AFAP1: variants seen among roughly 807,000 people sequenced by gnomAD.
AFAP1 encodes actin filament associated protein 1, also known as actin filament-associated protein 1.
In AFAP1, 75 loss-of-function variants were observed where a neutral mutation model predicts 93.9. That is an observed-to-expected ratio of 0.80 (90% CI 0.66 to 0.97). AFAP1 has a LOEUF of 0.97. AFAP1 is among the 50% of genes least tolerant of loss of function. The probability of loss-of-function intolerance (pLI) is 0.00; values close to 1 mark genes in which losing one functional copy is unlikely to be tolerated. For synonymous variants in AFAP1, 517 were observed against 430.7 expected (o/e 1.20, Z -2.48); for missense variants, 1,201 against 1,050.8 (o/e 1.14, Z -1.98).
At chr4:7,917,701 A>T (rs1720160718) in intron 1 of AFAP1, among the ~76,000 whole-genome samples, 1 of 152,322 alleles carries the variant, frequency 6.6e-6, no homozygotes, top group East Asian at 1.9e-4. Context: ...CCAATGGCCC[A>T]AAACTTAGAG....
chr4:7,835,046 A>G (rs1712133065), intron 6 of AFAP1, among the ~76,000 whole-genome samples: 2 of 105,158 alleles, frequency 1.9e-5, no homozygotes, highest in Non-Finnish European at 3.8e-5. Context: ...GGGCTGCCTT[A>G]AGGTTACCTG....
Position 7,793,835 on chromosome 4 carries a change from G to A in AFAP1, c.1267-9C>T, listed in dbSNP as rs1718129269. On this transcript the variant is annotated splice_polypyrimidine_tract_variant and intron_variant, in intron 10 of 17. Coordinates refer to ENST00000420658, the MANE Select transcript of AFAP1 (RefSeq NM_001134647.2). The stretch of plus-strand genomic sequence containing the variant: ...TCTTCAGAAGAAGATGCCTGTTGAA[G>A]TGGGAAAAAAGGTAGGCTGTATTTA... 2.6e-6 allele frequency: 4 copies of A among 1,518,750 alleles called. No individual in the cohort carries two copies. In the Admixed American group the frequency reaches 5.6e-5, roughly 21 times the overall value. 94.1% of individuals were successfully genotyped at this position (1,518,750 alleles called of 1,614,324 possible). A position where few individuals can be genotyped will look rare whatever the true frequency, so the allele number is the denominator to read the frequency against.
rs187661256 is a variant in AFAP1 at position 7,938,388 on chromosome 4, A to G, written c.-3+1268T>C. Among the ~76,000 whole-genome samples, 7 of 152,316 alleles carry G rather than the reference A, an allele frequency of 4.6e-5. No individual in the cohort carries two copies. The East Asian group carries it at 1.4e-3, about 29-fold the overall frequency. On this transcript the variant is annotated intron_variant, in intron 1 of 17. Coordinates refer to ENST00000420658, the MANE Select transcript of AFAP1 (RefSeq NM_001134647.2). ...GATCTTTAACTCTCCTAAAAGGGGA[A>G]AACTGTCCAGTTCGATTTTGCTTCC... is the stretch of plus-strand genomic sequence containing the variant.
chr4:7,904,714 G>GT (rs1436844725), intron 1 of AFAP1, among the ~76,000 whole-genome samples: 2 of 147,580 alleles, frequency 1.4e-5, no homozygotes, highest in South Asian at 2.1e-4. Flanking sequence ...TTGTTTGTTT[G>GT]TTTGTTTTGT....
chr4:7,834,382 G>A (rs1477347068), intron 6 of AFAP1, among the ~76,000 whole-genome samples: 1 of 152,180 alleles, frequency 6.6e-6, no homozygotes, highest in Non-Finnish European at 1.5e-5. Flanking sequence ...GGAGGTAAGG[G>A]ATAAAAGACT....
rs376611852 is a variant in AFAP1 at position 7,800,605 on chromosome 4, C to T, written c.1103G>A (p.Arg368Gln). Residue 368 changes from arginine to glutamine, a missense_variant, in exon 10 of 18, where the codon CGA becomes CAA. Physicochemically the swap from Arg to Gln is conservative, Grantham distance 43. Transcript: ENST00000420658. The part of the protein sequence containing the change: ...SNSRWRERWC[R>Q]VKDNKLIFHK... Reference sequence around the variant, plus strand: ...GAAAATGAGCTTGTTATCTTTCACTCGGCACCAGCGCTCTCGCCAGCGGCT... The same window carrying T: ...GAAAATGAGCTTGTTATCTTTCACTTGGCACCAGCGCTCTCGCCAGCGGCT... 47 of 1,614,160 alleles carry T rather than the reference C, an allele frequency of 2.9e-5. No homozygotes were observed. The highest frequency in any genetic ancestry group is 2.0e-4 in the African/African-American group (15 of 75,034).
Position 7,817,444 on chromosome 4 carries a change from A to C in AFAP1, c.823-1345T>G, listed in dbSNP as rs564450255. Among the ~76,000 whole-genome samples the C allele has an allele frequency of 4.6e-5, 7 of 152,316 alleles. No homozygotes were observed. In the East Asian group the frequency reaches 1.4e-3, roughly 29 times the overall value. ...GGTGAAACCCCCGTCTCCACTAAAAATACAAAAATTAGCCAGGCTTGGTGG... is the reference window on the plus strand; with the variant it reads ...GGTGAAACCCCCGTCTCCACTAAAACTACAAAAATTAGCCAGGCTTGGTGG... On this transcript the variant is annotated intron_variant, in intron 7 of 17. Transcript: ENST00000420658.
chr4:7,871,827 G>C (rs1717075904), intron 2 of AFAP1, 125 bp downstream of exon 2: 2 of 1,331,122 alleles, frequency 1.5e-6, no homozygotes, highest in Admixed American at 2.3e-5. Context: ...ATGAAAACTT[G>C]ATGAATAAAT....
chr4:7,765,403 T>A (rs1182546358), intron 17 of AFAP1, among the ~76,000 whole-genome samples: 2 of 152,216 alleles, frequency 1.3e-5, no homozygotes, highest in Admixed American at 1.3e-4. Context: ...GCTCCCATCT[T>A]CTGTGCAGTT....
intron 1 of AFAP1, among the ~76,000 whole-genome samples, chr4:7,918,110 C>A (rs1384170166): frequency 3.3e-5 from 5 of 152,228 alleles, no homozygotes; most frequent in African/African-American, 1.2e-4. Context: ...AGATGCACTA[C>A]TGGAGAAGAT....
Position 7,855,546 on chromosome 4 carries a change from G to A in AFAP1, c.254C>T (p.Pro85Leu). ...LPPDSGPPPL[P>L]TSSLPEGYYE... ...ATAACCTTCTGGGAGGGAGGATGTT[G>A]GCAATGGTGGAGGCCCACTGTCAGG... Residue 85 changes from proline (P) to leucine (L), a missense_variant, in exon 4 of 18, where the codon CCA becomes CTA. Physicochemically the swap from Pro to Leu is moderately conservative, Grantham distance 98. Coordinates refer to ENST00000420658, the MANE Select transcript of AFAP1 (RefSeq NM_001134647.2). 6.2e-7 allele frequency: 1 copy of A among 1,614,040 alleles called. No homozygotes were observed.
In AFAP1 at chr4:7,849,965, G is replaced by C. The variant is rs192247374; in HGVS notation, c.334+5501C>G. 2.0e-5 allele frequency among the ~76,000 whole-genome samples: 3 copies of C among 152,264 alleles called. No homozygotes were observed. The East Asian group carries it at 5.8e-4, about 29-fold the overall frequency. ...AAAGGGGCTGGGGATGGGGGGTGGAGGGCAGTGAGCAGGGGAGGAACACGT... is the reference window on the plus strand; with the variant it reads ...AAAGGGGCTGGGGATGGGGGGTGGACGGCAGTGAGCAGGGGAGGAACACGT... On this transcript the variant is annotated intron_variant, in intron 4 of 17. Transcript: ENST00000420658.
chr4:7,792,719 G>A (rs565139606), intron 11 of AFAP1, among the ~76,000 whole-genome samples: 75 of 152,224 alleles, frequency 4.9e-4, no homozygotes, highest in African/African-American at 1.5e-3. Context: ...ATCACGCTAC[G>A]CAGAACAGGA....
chr4:7,879,328 T>A (rs1242813490), intron 1 of AFAP1, among the ~76,000 whole-genome samples: 1 of 152,144 alleles, frequency 6.6e-6, no homozygotes, highest in Non-Finnish European at 1.5e-5. Flanking sequence ...ACGGTAGGAA[T>A]CAAATGAACA....
At chr4:7,896,071 G>T (rs2149212133) in intron 1 of AFAP1, among the ~76,000 whole-genome samples, 1 of 152,058 alleles carries the variant, frequency 6.6e-6, no homozygotes, top group Admixed American at 6.6e-5. Context: ...ATGTTGGTCA[G>T]GCTGGTCTCG....
chr4:7,866,334 T>G (rs373065115), intron 3 of AFAP1, among the ~76,000 whole-genome samples: 3 of 152,174 alleles, frequency 2.0e-5, no homozygotes, highest in Admixed American at 6.5e-5. Flanking sequence ...GTAGCTGGAC[T>G]ACAGCTGCAC....
chr4:7,864,167 A>AACTTCC (rs1577313455), intron 3 of AFAP1, among the ~76,000 whole-genome samples: 9 of 125,728 alleles, frequency 7.2e-5, no homozygotes, highest in South Asian at 5.4e-4. Context: ...ATCACAACCC[A>AACTTCC]CAGGTCCTTT....
chr4:7,771,522 G>A (rs1715438264), intron 16 of AFAP1, among the ~76,000 whole-genome samples: 1 of 152,236 alleles, frequency 6.6e-6, no homozygotes, highest in Non-Finnish European at 1.5e-5. Flanking sequence ...ATGAATGAAT[G>A]AATGCATGTG....
At chr4:7,789,756 C>A (rs1717689147) in intron 11 of AFAP1, among the ~76,000 whole-genome samples, 1 of 152,094 alleles carries the variant, frequency 6.6e-6, no homozygotes, top group South Asian at 2.1e-4. Context: ...CTCACCACCC[C>A]ATCCGTGCAT....
Sources: gnomAD v4.1 joint callset for allele counts (sites outside exome capture counted in the v4.1 genomes callset) on GRCh38, gnomAD v4.1.1 for gene constraint, MANE v1.5 for transcripts, NCBI Gene and HGNC (gene_info 2026-07-23, HGNC 2026-07-21) for gene names.